Variants in PRKN observed in about 807,000 individuals in gnomAD.
The protein encoded by PRKN is E3 ubiquitin-protein ligase parkin.
PRKN carries 56 observed loss-of-function variants against 59.5 expected under a neutral mutation model. The ratio of observed to expected loss-of-function variants is 0.94; its 90% confidence interval spans 0.76 to 1.18. PRKN has a LOEUF of 1.18. Ranked by LOEUF, PRKN falls within the 50% of genes most tolerant of loss-of-function variation. The pLI, the probability that PRKN is intolerant of heterozygous loss-of-function variation, is 0.00. For missense variants in PRKN, 657 were observed against 596.4 expected, an observed-to-expected ratio of 1.10 and a Z score of -1.06; for synonymous variants, 250 against 222.1, an observed-to-expected ratio of 1.13 and a Z score of -1.12.
chr6:161,703,517 TG>T (rs1160597998), intron 7 of PRKN, among the ~76,000 whole-genome samples: 8 of 152,134 alleles, frequency 5.3e-5, no homozygotes, highest in Non-Finnish European at 1.2e-4. Context: ...AGACTCCAAA[TG>T]ACAAGATTGT....
At chr6:161,603,842 G>A (rs898072247) in intron 7 of PRKN, among the ~76,000 whole-genome samples, 15 of 152,192 alleles carry the variant, frequency 9.9e-5, no homozygotes, top group Non-Finnish European at 1.6e-4. Context: ...GAGCTGCTGA[G>A]CTGAAAGGGA....
Position 161,460,918 on chromosome 6 carries a change from TTTTC to T in PRKN, c.1084-74045_1084-74042del, listed in dbSNP as rs1476974056. Among the ~76,000 whole-genome samples, 3 of 151,162 alleles carry T rather than the reference TTTTC, an allele frequency of 2.0e-5. No individual in the cohort carries two copies. The highest frequency in any genetic ancestry group is 4.4e-5 in the Non-Finnish European group (3 of 67,844). ...GTACGCACCACCACGCCCAGCTAATTTTTCTTTCTTTTTTTTTTTTAGCAGAGAC... is the reference window on the plus strand; with the variant it reads ...GTACGCACCACCACGCCCAGCTAATTTTTCTTTTTTTTTTTTAGCAGAGAC... On this transcript the variant is annotated intron_variant, in intron 9 of 11. Transcript: ENST00000366898. The surrounding 1 kb of genome is among the most constrained non-coding windows in gnomAD (Gnocchi z 5.0).
intron 2 of PRKN, among the ~76,000 whole-genome samples, chr6:162,376,319 G>GA (rs1786077884): frequency 6.6e-6 from 1 of 152,048 alleles, no homozygotes; most frequent in Non-Finnish European, 1.5e-5. Context: ...CTCAGAAGAA[G>GA]AAAAAAGAAC....
intron 3 of PRKN, among the ~76,000 whole-genome samples, chr6:162,201,796 T>G (rs10945803): frequency 0.34 from 51,962 of 152,000 alleles, 10,666 homozygotes; most frequent in Non-Finnish European, 0.45. Flanking sequence ...GCTGAGGAAC[T>G]TTCAGAGACC....
At chr6:161,746,490 G>A (rs1396128211) in intron 7 of PRKN, among the ~76,000 whole-genome samples, 5 of 150,484 alleles carry the variant, frequency 3.3e-5, no homozygotes, top group African/African-American at 4.9e-5. Context: ...CAACAAGAAC[G>A]GAGAAAAATC....
intron 7 of PRKN, among the ~76,000 whole-genome samples, chr6:161,679,905 C>T (rs1469202399): frequency 6.6e-6 from 1 of 151,818 alleles, no homozygotes; most frequent in East Asian, 2.0e-4. Context: ...CAGGCGCCTG[C>T]CACCAGCCTG....
intron 1 of PRKN, among the ~76,000 whole-genome samples, chr6:162,681,362 T>C (rs145318675): frequency 3.2e-4 from 48 of 152,094 alleles, no homozygotes; most frequent in African/African-American, 1.2e-3. Context: ...GGTGATGAAA[T>C]TGAGGCAGGA....
At chr6:162,574,218 A>C (rs1780464466) in intron 1 of PRKN, among the ~76,000 whole-genome samples, 1 of 152,124 alleles carries the variant, frequency 6.6e-6, no homozygotes, top group Non-Finnish European at 1.5e-5. Flanking sequence ...TCTTCAAAGA[A>C]GGCACATAAT....
At chr6:161,517,008 T>C (rs1046114596) in intron 9 of PRKN, among the ~76,000 whole-genome samples, 1 of 152,112 alleles carries the variant, frequency 6.6e-6, no homozygotes, top group Non-Finnish European at 1.5e-5. Context: ...TTCTTCCAGT[T>C]AGGGTAAAAA....
rs769009023 is a variant in PRKN at position 161,552,733 on chromosome 6, A to G, written c.934-3730T>C. Among the ~76,000 whole-genome samples, 2 of 150,946 alleles carry G rather than the reference A, an allele frequency of 1.3e-5. No individual in the cohort carries two copies. The highest frequency in any genetic ancestry group is 2.9e-5 in the Non-Finnish European group (2 of 67,812). ...TCCGCCTGAAGCCCTCCATGTATCT[A>G]TTCTCATCACAACACCTTCACCCCT... On this transcript the variant is annotated intron_variant, in intron 8 of 11. Transcript: ENST00000366898. The surrounding 1 kb of genome is among the most constrained non-coding windows in gnomAD (Gnocchi z 4.9).
intron 6 of PRKN, 127 bp downstream of exon 6, chr6:161,973,175 G>A: frequency 1.4e-6 from 1 of 717,446 alleles, no homozygotes; most frequent in East Asian, 2.7e-5. Flanking sequence ...CCCCAGGAAA[G>A]AGAGTTCACT....
At chr6:162,672,390 T>C (rs1184760157) in intron 1 of PRKN, among the ~76,000 whole-genome samples, 1 of 152,140 alleles carries the variant, frequency 6.6e-6, no homozygotes, top group Non-Finnish European at 1.5e-5. Context: ...CTCATTTTTA[T>C]TCGGTAACAT....
At chr6:162,686,158 G>C (rs924834775) in intron 1 of PRKN, among the ~76,000 whole-genome samples, 9 of 152,050 alleles carry the variant, frequency 5.9e-5, no homozygotes, top group Non-Finnish European at 1.2e-4. Context: ...CTAAAATATA[G>C]GAAGTGATCA....
chr6:162,396,469 C>T (rs1032512506), intron 2 of PRKN, among the ~76,000 whole-genome samples: 2 of 152,012 alleles, frequency 1.3e-5, no homozygotes, highest in African/African-American at 2.4e-5. Context: ...GAGCATAAGA[C>T]GCCAACTCTT....
intron 1 of PRKN, among the ~76,000 whole-genome samples, chr6:162,509,722 C>T (rs923406878): frequency 2.0e-5 from 3 of 152,194 alleles, no homozygotes; most frequent in African/African-American, 7.2e-5. Flanking sequence ...TACGCAGACA[C>T]TGCTGTATAA....
chr6:162,035,173 A>C (rs988227820), intron 5 of PRKN, among the ~76,000 whole-genome samples: 1 of 151,960 alleles, frequency 6.6e-6, no homozygotes, highest in Non-Finnish European at 1.5e-5. Context: ...AGATATATAT[A>C]TATATAGAGA....
chr6:161,864,949 C>T (rs780937150), intron 6 of PRKN, among the ~76,000 whole-genome samples: 5 of 152,094 alleles, frequency 3.3e-5, no homozygotes, highest in Non-Finnish European at 7.4e-5. Context: ...CCATCGTGCC[C>T]GGCCTCCAAA....
intron 7 of PRKN, among the ~76,000 whole-genome samples, chr6:161,704,607 A>T (rs1484665617): frequency 1.3e-5 from 2 of 152,102 alleles, no homozygotes; most frequent in African/African-American, 4.8e-5. Context: ...AAATCTGCAC[A>T]CCCAGGTCCT....
At position 162,407,535 on chromosome 6, in the gene PRKN, C is replaced by T. The variant is rs183420613; in HGVS notation, c.171+35775G>A. ...AATCAAACAACCAGTAGGCCCCAAA[C>T]TCACCATCTGATTTCATGCGTCAAC... On this transcript the variant is annotated intron_variant, in intron 2 of 11. Transcript: ENST00000366898. Among the ~76,000 whole-genome samples, 267 of 152,322 alleles carry T rather than the reference C, an allele frequency of 1.8e-3. 1 individual carries two copies. The highest frequency in any genetic ancestry group is 5.7e-3 in the African/African-American group (235 of 41,574).
Sources: allele counts gnomAD v4.1 joint callset (sites outside exome capture counted in the v4.1 genomes callset), GRCh38; gene constraint gnomAD v4.1.1; non-coding constraint Gnocchi (gnomAD v3.1); transcripts MANE v1.5; gene names NCBI Gene and HGNC (gene_info 2026-07-23, HGNC 2026-07-21).